SLC9A9: variants seen among roughly 807,000 people sequenced by gnomAD.
SLC9A9 encodes solute carrier family 9 member A9.
In SLC9A9, 62 loss-of-function variants were observed where a neutral mutation model predicts 77.8. The observed-to-expected ratio is 0.80, with a 90% CI of 0.65 to 0.98. The LOEUF is 0.98. SLC9A9 is among the 50% of genes least tolerant of loss of function. SLC9A9 has a pLI of 0.00. For missense variants in SLC9A9, 775 were observed against 774.9 expected, an observed-to-expected ratio of 1.00 and a Z score of 0.00; for synonymous variants, 320 against 283.5, an observed-to-expected ratio of 1.13 and a Z score of -1.29.
rs2038208707 is a variant in SLC9A9 at position 143,621,319 on chromosome 3, C to A, written c.755+30936G>T. Among the ~76,000 whole-genome samples, 2 of 152,228 alleles carry A rather than the reference C, an allele frequency of 1.3e-5. 1 individual carries two copies. Among genetic ancestry groups the A allele is most frequent in the South Asian group, 4.1e-4 (2 of 4,832 alleles). ...TCTGAGAACGGACAGACTGCCTCCT[C>A]AAGTGGGTCCCTGACCCCCGAATAG... On this transcript the variant is annotated intron_variant, in intron 6 of 15. Transcript: ENST00000316549.
chr3:143,392,089 A>G (rs2033583803), intron 12 of SLC9A9, among the ~76,000 whole-genome samples: 1 of 152,174 alleles, frequency 6.6e-6, no homozygotes, highest in African/African-American at 2.4e-5. Context: ...CAAATTCAGG[A>G]AACACAGAGA....
chr3:143,581,331 C>T (rs954972988), intron 6 of SLC9A9, among the ~76,000 whole-genome samples: 19 of 152,280 alleles, frequency 1.2e-4, no homozygotes, highest in Admixed American at 1.2e-3. Context: ...ACCTTAAGTT[C>T]CATGGTGAGA....
chr3:143,373,153 A>G (rs150370253), intron 13 of SLC9A9, among the ~76,000 whole-genome samples: 76 of 152,330 alleles, frequency 5.0e-4, no homozygotes, highest in African/African-American at 1.7e-3. Flanking sequence ...CTGCACATGT[A>G]TATTTATTGC....
chr3:143,675,845 CTT>C (rs1932863028), intron 5 of SLC9A9, among the ~76,000 whole-genome samples: 1 of 152,056 alleles, frequency 6.6e-6, no homozygotes, highest in African/African-American at 2.4e-5. Context: ...CTTTAATAGT[CTT>C]TTTTCTTTTC....
chr3:143,512,067 C>T (rs115007158), intron 9 of SLC9A9, among the ~76,000 whole-genome samples: 244 of 152,264 alleles, frequency 1.6e-3, no homozygotes, highest in Middle Eastern at 6.8e-3. Context: ...AGCAAGAGCA[C>T]CAACCATATT....
chr3:143,537,138 C>T (rs889995844), intron 9 of SLC9A9, among the ~76,000 whole-genome samples: 3 of 152,196 alleles, frequency 2.0e-5, no homozygotes, highest in African/African-American at 7.2e-5. Flanking sequence ...CATCTGGTGT[C>T]CAGCATCTGG....
intron 13 of SLC9A9, among the ~76,000 whole-genome samples, chr3:143,371,432 CTT>C (rs942576449): frequency 1.6e-4 from 24 of 152,152 alleles, no homozygotes; most frequent in African/African-American, 5.8e-4. Context: ...ATTCAGCAAA[CTT>C]TATAGAATAC....
intron 5 of SLC9A9, among the ~76,000 whole-genome samples, chr3:143,674,532 G>A (rs1245661979): frequency 1.3e-5 from 2 of 152,110 alleles, no homozygotes; most frequent in Non-Finnish European, 2.9e-5. Context: ...TGAAACCGGT[G>A]CGCCCCAGAA....
intron 4 of SLC9A9, among the ~76,000 whole-genome samples, chr3:143,732,976 A>C (rs1194377246): frequency 6.7e-6 from 1 of 149,972 alleles, no homozygotes; most frequent in Non-Finnish European, 1.5e-5. Context: ...CATCGAAACC[A>C]TCAATGACCT....
intron 2 of SLC9A9, among the ~76,000 whole-genome samples, chr3:143,797,589 G>GA (rs1167166399): frequency 1.3e-5 from 2 of 152,004 alleles, no homozygotes; most frequent in Non-Finnish European, 2.9e-5. Context: ...CAAAAGAAGT[G>GA]AAAATGGCCT....
intron 11 of SLC9A9, among the ~76,000 whole-genome samples, chr3:143,468,819 T>C (rs112264503): frequency 0.011 from 1,688 of 152,330 alleles, 30 homozygotes; most frequent in African/African-American, 0.037. Flanking sequence ...TGTAATATTA[T>C]GCTAATTGCA....
chr3:143,721,291 C>G (rs555282691), intron 4 of SLC9A9, among the ~76,000 whole-genome samples: 19 of 152,208 alleles, frequency 1.2e-4, no homozygotes, highest in Non-Finnish European at 1.9e-4. Context: ...CATCTCCTAA[C>G]TGCAACCCCA....
At chr3:143,711,867 G>A (rs1023199568) in intron 4 of SLC9A9, among the ~76,000 whole-genome samples, 1 of 152,212 alleles carries the variant, frequency 6.6e-6, no homozygotes, top group African/African-American at 2.4e-5. Flanking sequence ...AAGTGTCTCT[G>A]ACATAATACT....
intron 6 of SLC9A9, among the ~76,000 whole-genome samples, chr3:143,636,594 T>C (rs572968726): frequency 1.3e-5 from 2 of 152,358 alleles, no homozygotes; most frequent in Admixed American, 6.5e-5. Flanking sequence ...TTGTACCTAA[T>C]AGGTAATTTT....
At chr3:143,742,349 G>T (rs1471429155) in intron 4 of SLC9A9, among the ~76,000 whole-genome samples, 1 of 152,128 alleles carries the variant, frequency 6.6e-6, no homozygotes, top group Admixed American at 6.5e-5. Context: ...TAAAACTCCG[G>T]TCTCCCACAC....
intron 6 of SLC9A9, among the ~76,000 whole-genome samples, chr3:143,651,717 C>T (rs2038799640): frequency 6.6e-6 from 1 of 152,190 alleles, no homozygotes; most frequent in South Asian, 2.1e-4. Flanking sequence ...CCTTCCAGCG[C>T]AAAGGGAAAT....
chr3:143,665,438 G>A lies in SLC9A9; in HGVS notation c.650-13078C>T, dbSNP rs552952740. Among the ~76,000 whole-genome samples, 3 of 152,242 alleles carry A rather than the reference G, an allele frequency of 2.0e-5. No homozygotes were observed. The South Asian group carries it at 6.2e-4, about 32-fold the overall frequency. On this transcript the variant is annotated intron_variant, in intron 5 of 15. Coordinates refer to ENST00000316549, the MANE Select transcript of SLC9A9 (RefSeq NM_173653.4). ...ACAATTAAAAGAACTAGAGAAGCAA[G>A]AGCAAGCATACTCAAAAGCTAGCAG...
chr3:143,714,898 G>A (rs998752567), intron 4 of SLC9A9, among the ~76,000 whole-genome samples: 3 of 152,166 alleles, frequency 2.0e-5, no homozygotes, highest in Admixed American at 6.5e-5. Context: ...GGAGGGACCC[G>A]GTGGGAGGTA....
intron 4 of SLC9A9, among the ~76,000 whole-genome samples, chr3:143,770,305 C>T (rs1281850121): frequency 1.3e-5 from 2 of 151,816 alleles, no homozygotes; most frequent in Non-Finnish European, 2.9e-5. Flanking sequence ...TTTACAGGCA[C>T]AATAATTAAG....
Sources: gnomAD v4.1 joint callset for allele counts (sites outside exome capture counted in the v4.1 genomes callset) on GRCh38, gnomAD v4.1.1 for gene constraint, MANE v1.5 for transcripts, NCBI Gene and HGNC (gene_info 2026-07-23, HGNC 2026-07-21) for gene names.